The following CCL28 variants were observed in gnomAD, a reference collection of about 807,000 sequenced individuals.
CCL28 encodes C-C motif chemokine ligand 28.
Under a neutral mutation model 7.1 loss-of-function variants are expected in CCL28, and 4 were observed. The ratio of observed to expected loss-of-function variants is 0.56; its 90% CI spans 0.28 to 1.29. The LOEUF is 1.29. Among genes scored for constraint, CCL28 ranks in the 50% most tolerant of loss-of-function variants. CCL28 has a pLI of 0.11. For synonymous variants in CCL28, 55 were observed against 57.8 expected (o/e 0.95, Z 0.22); for missense variants, 151 against 163.4 (o/e 0.92, Z 0.41).
Position 43,379,726 on chromosome 5 carries a change from C to A in CCL28, c.*2134G>T, listed in dbSNP as rs927631904. 2 of 152,192 alleles carry A rather than the reference C, an allele frequency of 1.3e-5. No individual in the cohort carries two copies. Among genetic ancestry groups the A allele is most frequent in the Non-Finnish European group, 2.9e-5 (2 of 68,080 alleles). The allele number at this position is 152,192 out of a possible 1,614,324, so 9.4% of individuals were successfully genotyped here. On this transcript the variant is annotated 3_prime_UTR_variant, in exon 3 of 3. Transcript: ENST00000361115. ...CACCTGATAAAGTGGCTCCTGCTCT[C>A]TATTGGCTTCTTATGAACACTACTG...
chr5:43,381,032 AT>A lies in CCL28; in HGVS notation c.*827del, dbSNP rs1280663502. 1 of 152,100 alleles carries A rather than the reference AT, an allele frequency of 6.6e-6. No individual in the cohort carries two copies. Among genetic ancestry groups the A allele is most frequent in the African/African-American group, 2.4e-5 (1 of 41,412 alleles). The allele number at this position is 152,100 out of a possible 1,614,324, so 9.4% of individuals were successfully genotyped here. ...TTTTAGGTATAAAACTGATAAGGTG[AT>A]TATGTAGAAAAATGTCTTTATTTTA... On this transcript the variant is annotated 3_prime_UTR_variant, in exon 3 of 3. Coordinates refer to ENST00000361115, the MANE Select transcript of CCL28 (RefSeq NM_148672.3).
At chr5:43,359,554 T>A in the CCL28 span, among the ~76,000 whole-genome samples, 2 of 152,090 alleles carry the variant, frequency 1.3e-5, no homozygotes, top group African/African-American at 2.4e-5. Context: ...ATAGCCATCA[T>A]GAACATGTCA....
intron 1 of CCL28, among the ~76,000 whole-genome samples, chr5:43,410,638 C>T (rs780749741): frequency 6.6e-6 from 1 of 152,194 alleles, no homozygotes; most frequent in Non-Finnish European, 1.5e-5. Context: ...GCCTCCTCGA[C>T]CTGCTGTTCC....
At chr5:43,363,472 C>A in the CCL28 span, among the ~76,000 whole-genome samples, 2 of 152,180 alleles carry the variant, frequency 1.3e-5, no homozygotes, top group Non-Finnish European at 2.9e-5. Flanking sequence ...TGCAGCTGTC[C>A]TGGGAAGCAC....
At chr5:43,395,248 G>T (rs1307651116) in intron 1 of CCL28, among the ~76,000 whole-genome samples, 1 of 150,326 alleles carries the variant, frequency 6.7e-6, no homozygotes, top group African/African-American at 2.4e-5. Flanking sequence ...ATTTTTCCAA[G>T]AAATTGTTCA....
rs1741560180 is a variant in CCL28, at chr5:43,412,240, T to G, written c.64+13A>C. 1 of 1,608,088 alleles carries G rather than the reference T, an allele frequency of 6.2e-7. No homozygotes were observed. The highest frequency in any genetic ancestry group is 8.5e-7 in the Non-Finnish European group (1 of 1,176,334). On this transcript the variant is annotated intron_variant, in intron 1 of 2. Coordinates refer to ENST00000361115, the MANE Select transcript of CCL28 (RefSeq NM_148672.3). ...TTCCAGTGAAGGCCTAAGTGTCCAG[T>G]GCCCCCACTCACCTTCTGAGGCATG...
At chr5:43,405,686 C>A (rs1561168126) in intron 1 of CCL28, among the ~76,000 whole-genome samples, 3 of 151,970 alleles carry the variant, frequency 2.0e-5, no homozygotes, top group African/African-American at 4.8e-5. Flanking sequence ...AAAAACCATT[C>A]AAAAAATCAA....
downstream of CCL28, among the ~76,000 whole-genome samples, chr5:43,378,320 C>T (rs1739969355): frequency 6.6e-6 from 1 of 152,106 alleles, no homozygotes; most frequent in African/African-American, 2.4e-5. Flanking sequence ...CACTGCACTC[C>T]AGCCTGGGCA....
chr5:43,366,202 C>T, the CCL28 span, among the ~76,000 whole-genome samples: 20 of 152,150 alleles, frequency 1.3e-4, no homozygotes, highest in African/African-American at 4.1e-4. Context: ...AGTTTTGTTG[C>T]CTTGCTGATG....
chr5:43,371,995 T>C (rs1739793685), downstream of CCL28, among the ~76,000 whole-genome samples: 1 of 151,996 alleles, frequency 6.6e-6, no homozygotes, highest in South Asian at 2.1e-4. Flanking sequence ...GATCACATGG[T>C]AAGAGAGGAA....
chr5:43,409,654 T>C (rs549075900), intron 1 of CCL28, among the ~76,000 whole-genome samples: 16 of 152,266 alleles, frequency 1.1e-4, no homozygotes, highest in African/African-American at 3.1e-4. Flanking sequence ...ATTGGTGTGA[T>C]TCAGTAGCCA....
intron 2 of CCL28, among the ~76,000 whole-genome samples, chr5:43,383,710 A>C (rs1282848958): frequency 6.6e-6 from 1 of 152,152 alleles, no homozygotes; most frequent in Non-Finnish European, 1.5e-5. Context: ...AAAATCTGGC[A>C]CTGAAGCTCC....
chr5:43,406,937 A>T (rs1479823605), intron 1 of CCL28, among the ~76,000 whole-genome samples: 2 of 152,244 alleles, frequency 1.3e-5, no homozygotes, highest in African/African-American at 4.8e-5. Flanking sequence ...CTTACAAGGG[A>T]TGTGAAGGAC....
chr5:43,367,626 T>A, the CCL28 span, among the ~76,000 whole-genome samples: 10 of 152,036 alleles, frequency 6.6e-5, no homozygotes, highest in South Asian at 2.1e-3. Context: ...AGAAATCACC[T>A]GCCTTCTGCA....
rs148319772 is a variant in CCL28, at chr5:43,383,961, G to C, written c.192-1909C>G. ...AAAAATTAGCTGGGCATGGTGGCAC[G>C]CACCTGTAATCCCAGCTACTTGGAA... On this transcript the variant is annotated intron_variant, in intron 2 of 2. Coordinates refer to ENST00000361115, the MANE Select transcript of CCL28 (RefSeq NM_148672.3). The C allele has an allele frequency of 4.5e-4, 78 of 172,614 alleles. No individual in the cohort carries two copies. The East Asian group carries it at 0.014, about 30-fold the overall frequency. The allele number at this position is 172,614 out of a possible 1,614,324, so 10.7% of individuals were successfully genotyped here. A position where few individuals can be genotyped will look rare whatever the true frequency, so the allele number is the denominator to read the frequency against.
downstream of CCL28, among the ~76,000 whole-genome samples, chr5:43,375,104 C>G (rs1239702680): frequency 2.0e-5 from 3 of 151,910 alleles, no homozygotes; most frequent in African/African-American, 7.2e-5. Flanking sequence ...ATTCTCCTGC[C>G]TCAGCCTCCC....
the CCL28 span, among the ~76,000 whole-genome samples, chr5:43,358,646 T>G: frequency 1.3e-5 from 2 of 152,322 alleles, no homozygotes; most frequent in African/African-American, 4.8e-5. Context: ...GAATTAGGTC[T>G]TCACCAAAAC....
At chr5:43,365,453 T>C in the CCL28 span, among the ~76,000 whole-genome samples, 1 of 152,252 alleles carries the variant, frequency 6.6e-6, no homozygotes, top group Non-Finnish European at 1.5e-5. Context: ...TGCAGTTTCT[T>C]CATAATGTCG....
chr5:43,363,423 AC>A, the CCL28 span, among the ~76,000 whole-genome samples: 1 of 152,222 alleles, frequency 6.6e-6, no homozygotes, highest in East Asian at 1.9e-4. Flanking sequence ...GACCAGACAC[AC>A]AACCAACTTC....
Sources: gnomAD v4.1 joint callset for allele counts (sites outside exome capture counted in the v4.1 genomes callset) on GRCh38, gnomAD v4.1.1 for gene constraint, MANE v1.5 for transcripts, NCBI Gene and HGNC (gene_info 2026-07-23, HGNC 2026-07-21) for gene names.